KCNT2: variants seen among roughly 807,000 people sequenced by gnomAD.
KCNT2 encodes the protein potassium sodium-activated channel subfamily T member 2.
A neutral mutation model predicts 153.8 loss-of-function variants in KCNT2; 67 were observed. The ratio of observed to expected loss-of-function variants is 0.44; its 90% confidence interval spans 0.36 to 0.53. KCNT2 has a LOEUF of 0.53. Among genes scored for constraint, KCNT2 ranks in the 20% least tolerant of loss-of-function variants. The pLI is 0.00. For synonymous variants in KCNT2, 500 were observed against 458.8 expected (o/e 1.09, Z -1.15); for missense variants, 975 against 1,354.8 (o/e 0.72, Z 4.40).
chr1:196,540,614 G>A (rs10922081), intron 1 of KCNT2, among the ~76,000 whole-genome samples: 129,201 of 152,162 alleles, frequency 0.85, 55,877 homozygotes, highest in South Asian at 0.99. Flanking sequence ...TAAAGTGAAA[G>A]TAGCATAATG....
intron 13 of KCNT2, among the ~76,000 whole-genome samples, chr1:196,390,890 C>CT (rs61134739): frequency 0.1 from 12,976 of 124,252 alleles, 1,967 homozygotes; most frequent in African/African-American, 0.33. Flanking sequence ...CTCATTCATT[C>CT]TTTTTTTTTT....
chr1:196,281,812 A>G (rs1469870437), intron 24 of KCNT2, among the ~76,000 whole-genome samples: 1 of 150,488 alleles, frequency 6.6e-6, no homozygotes, highest in Admixed American at 6.6e-5. Flanking sequence ...GCTGGAGTGC[A>G]GTGGCGCGAT....
At chr1:196,338,670 C>A (rs1258362634) in intron 16 of KCNT2, among the ~76,000 whole-genome samples, 1 of 151,688 alleles carries the variant, frequency 6.6e-6, no homozygotes, top group African/African-American at 2.4e-5. Flanking sequence ...AATTTTTACT[C>A]TGGTGGCAGG....
At chr1:196,552,418 G>A (rs930833245) in intron 1 of KCNT2, among the ~76,000 whole-genome samples, 1 of 151,212 alleles carries the variant, frequency 6.6e-6, no homozygotes, top group Non-Finnish European at 1.5e-5. Context: ...AATGTATCTG[G>A]CAAAAATATC....
At chr1:196,278,242 C>T (rs1223098154) in intron 25 of KCNT2, among the ~76,000 whole-genome samples, 3 of 152,228 alleles carry the variant, frequency 2.0e-5, no homozygotes, top group Admixed American at 6.5e-5. Context: ...TATGCTAGTA[C>T]AGTAACACTA....
intron 1 of KCNT2, among the ~76,000 whole-genome samples, chr1:196,570,972 C>A (rs1437321907): frequency 6.6e-6 from 1 of 152,092 alleles, no homozygotes; most frequent in Admixed American, 6.6e-5. Flanking sequence ...CTCTCCTGGC[C>A]TACTCCTACC....
intron 16 of KCNT2, among the ~76,000 whole-genome samples, chr1:196,335,702 C>T (rs901414834): frequency 2.8e-4 from 43 of 152,074 alleles, no homozygotes; most frequent in African/African-American, 1.0e-3. Flanking sequence ...TTATCTCAGC[C>T]CTTCACTTCC....
At chr1:196,555,870 T>C (rs575212555) in intron 1 of KCNT2, among the ~76,000 whole-genome samples, 2 of 151,618 alleles carry the variant, frequency 1.3e-5, no homozygotes, top group Non-Finnish European at 3.0e-5. Context: ...GATCTCATTT[T>C]TGACAAATGT....
chr1:196,593,175 T>C (rs1663595566), intron 1 of KCNT2, among the ~76,000 whole-genome samples: 2 of 150,892 alleles, frequency 1.3e-5, no homozygotes, highest in South Asian at 4.2e-4. Context: ...ACATATGATG[T>C]TTCGTTTTCC....
At chr1:196,458,090 G>A (rs2148641753) in intron 8 of KCNT2, among the ~76,000 whole-genome samples, 1 of 151,818 alleles carries the variant, frequency 6.6e-6, no homozygotes, top group Non-Finnish European at 1.5e-5. Flanking sequence ...AAACCTACCT[G>A]CTACAATGTC....
chr1:196,467,982 G>A (rs1019190079), intron 6 of KCNT2, among the ~76,000 whole-genome samples, 196 bp from the exon 7 acceptor site: 9 of 152,016 alleles, frequency 5.9e-5, no homozygotes, highest in African/African-American at 2.2e-4. Context: ...TCTTTCTTAG[G>A]GAAATTATTG....
intron 1 of KCNT2, among the ~76,000 whole-genome samples, chr1:196,502,937 C>A (rs1680819348): frequency 6.6e-6 from 1 of 151,928 alleles, no homozygotes; most frequent in Non-Finnish European, 1.5e-5. Flanking sequence ...CAAAGAGATT[C>A]CCCCTCTTCA....
At chr1:196,333,647 G>T (rs563167326) in intron 17 of KCNT2, among the ~76,000 whole-genome samples, 200 bp downstream of exon 17, 41 of 152,192 alleles carry the variant, frequency 2.7e-4, no homozygotes, top group African/African-American at 4.6e-4. Context: ...CCAGAAACTT[G>T]AGGGCTTATA....
At chr1:196,530,244 A>C (rs1401339229) in intron 1 of KCNT2, among the ~76,000 whole-genome samples, 2 of 152,018 alleles carry the variant, frequency 1.3e-5, no homozygotes, top group Admixed American at 1.3e-4. Context: ...TGTTAGGAGG[A>C]GATTTAAAAT....
chr1:196,551,969 A>T (rs1369868902), intron 1 of KCNT2, among the ~76,000 whole-genome samples: 1 of 151,534 alleles, frequency 6.6e-6, no homozygotes, highest in Non-Finnish European at 1.5e-5. Flanking sequence ...ATAATGGAAA[A>T]GGAATCTGGT....
chr1:196,391,365 C>T (rs1476701901), intron 13 of KCNT2, among the ~76,000 whole-genome samples: 1 of 151,154 alleles, frequency 6.6e-6, no homozygotes, highest in Non-Finnish European at 1.5e-5. Context: ...GAGAGCATAC[C>T]TGGTCTTTTT....
intron 1 of KCNT2, among the ~76,000 whole-genome samples, chr1:196,561,430 A>G (rs1423444206): frequency 6.6e-6 from 1 of 151,486 alleles, no homozygotes; most frequent in African/African-American, 2.4e-5. Context: ...TATTTATGAT[A>G]TCTCATATAT....
rs1267878949 is a variant in KCNT2, at chr1:196,333,872, C to T, written c.1972G>A (p.Asp658Asn). The T allele has an allele frequency of 1.2e-6, 2 of 1,610,166 alleles. No individual in the cohort carries two copies. Among genetic ancestry groups the T allele is most frequent in the Non-Finnish European group, 1.7e-6 (2 of 1,177,010 alleles). ...TCTAAGTTTGAAGACATTTCTTCAT[C>T]TGGTGTAGTTTCATCTTCTGATTGG... ...SDQSEDETTPDEEMSSNLEYA... is the reference protein window; with the variant it reads ...SDQSEDETTPNEEMSSNLEYA... The change falls in exon 17 of 28, where the codon GAT (aspartate) becomes AAT (asparagine). Residue 658 changes from aspartate (D) to asparagine (N), a missense_variant. By Grantham distance (23) the Asp-to-Asn change is conservative. Coordinates refer to ENST00000294725, the MANE Select transcript of KCNT2 (RefSeq NM_198503.5).
At chr1:196,496,164 C>A (rs965086818) in intron 1 of KCNT2, among the ~76,000 whole-genome samples, 3 of 151,882 alleles carry the variant, frequency 2.0e-5, no homozygotes, top group Non-Finnish European at 4.4e-5. Context: ...AGCTTCTTTG[C>A]GACTTTAAGA....
Sources: allele counts gnomAD v4.1 joint callset (sites outside exome capture counted in the v4.1 genomes callset), GRCh38; gene constraint gnomAD v4.1.1; transcripts MANE v1.5; gene names NCBI Gene and HGNC (gene_info 2026-07-23, HGNC 2026-07-21).